Variants in NFXL1 observed in about 807,000 individuals in gnomAD.
NFXL1 encodes the protein NF-X1-type zinc finger protein NFXL1.
In NFXL1, 66 loss-of-function variants were observed where a neutral mutation model predicts 123.3. The observed-to-expected ratio is 0.54, with a 90% CI of 0.44 to 0.66. The LOEUF is 0.66. Among genes scored for constraint, NFXL1 ranks in the 30% least tolerant of loss-of-function variants. The pLI is 0.00. For synonymous variants in NFXL1, 346 were observed against 360.8 expected, an observed-to-expected ratio of 0.96 and a Z score of 0.46; for missense variants, 944 against 1,125.6, an observed-to-expected ratio of 0.84 and a Z score of 2.31.
intron 2 of NFXL1, among the ~76,000 whole-genome samples, chr4:47,912,515 A>G (rs1357830839): frequency 7.0e-6 from 1 of 143,112 alleles, no homozygotes; most frequent in Non-Finnish European, 1.5e-5. Flanking sequence ...GCTGGAGTGC[A>G]GTGGGGCAAT....
intron 18 of NFXL1, 82 bp from the exon 19 acceptor site, chr4:47,862,997 AC>A (rs1480277407): frequency 2.7e-6 from 2 of 737,014 alleles, no homozygotes; most frequent in African/African-American, 3.6e-5. Context: ...ATAATTTCAA[AC>A]ATATCCATAA....
chr4:47,867,037 T>C (rs1356178285), intron 18 of NFXL1, among the ~76,000 whole-genome samples: 1 of 152,174 alleles, frequency 6.6e-6, no homozygotes, highest in African/African-American at 2.4e-5. Context: ...ATGTGCCTTT[T>C]CCCTTTGCTG....
intron 5 of NFXL1, among the ~76,000 whole-genome samples, chr4:47,901,524 A>G (rs922186453): frequency 1.3e-5 from 2 of 152,198 alleles, no homozygotes; most frequent in Admixed American, 6.5e-5. Flanking sequence ...TTCCGTACCT[A>G]TTAGACACTA....
In NFXL1 at chr4:47,899,516, T is replaced by G. The variant is rs972295613; in HGVS notation, c.680A>C (p.Glu227Ala). ...PKCRFEYKRS[E>A]TPSRYYCYCG... ...ATAGCAATAGTACCTACTAGGTGTTTCAGATCGTTTGTATTCAAACCTACA... is the reference window on the plus strand; with the variant it reads ...ATAGCAATAGTACCTACTAGGTGTTGCAGATCGTTTGTATTCAAACCTACA... The change falls in exon 6 of 23, where the codon GAA (glutamate) becomes GCA (alanine). Residue 227 changes from glutamate to alanine, a missense_variant. By Grantham distance (107) the Glu-to-Ala change is moderately radical. Coordinates refer to ENST00000507489, the MANE Select transcript of NFXL1 (RefSeq NM_001278624.2). The G allele has an allele frequency of 8.7e-6, 14 of 1,612,676 alleles. No individual in the cohort carries two copies. Among genetic ancestry groups the G allele is most frequent in the African/African-American group, 1.3e-5 (1 of 74,904 alleles).
intron 6 of NFXL1, 54 bp downstream of exon 6, chr4:47,899,316 A>C (rs1248942347): frequency 2.7e-6 from 4 of 1,476,040 alleles, no homozygotes; most frequent in Non-Finnish European, 3.7e-6. Flanking sequence ...TTTTGCCTCA[A>C]TATAAGAAGA....
intron 18 of NFXL1, among the ~76,000 whole-genome samples, chr4:47,865,723 G>A (rs1342592360): frequency 6.6e-6 from 1 of 152,192 alleles, no homozygotes; most frequent in Non-Finnish European, 1.5e-5. Flanking sequence ...GGGTGCAGTG[G>A]CTCATGCCTC....
chr4:47,891,335 C>G (rs1017926978), intron 11 of NFXL1, among the ~76,000 whole-genome samples: 1 of 152,100 alleles, frequency 6.6e-6, no homozygotes, highest in African/African-American at 2.4e-5. Flanking sequence ...TGCTCTCAAA[C>G]TCCTGAGCTC....
At chr4:47,863,116 C>G (rs1734856264) in intron 18 of NFXL1, among the ~76,000 whole-genome samples, 1 of 152,160 alleles carries the variant, frequency 6.6e-6, no homozygotes, top group African/African-American at 2.4e-5. Flanking sequence ...CCCTTTACTA[C>G]TAACAAGTCA....
chr4:47,851,022 A>AATAT lies in NFXL1; in HGVS notation c.2562+69_2562+72dup, dbSNP rs1296987169. The AATAT allele has an allele frequency of 2.7e-6, 3 of 1,108,336 alleles. No individual in the cohort carries two copies. The East Asian group carries it at 7.1e-5, about 26-fold the overall frequency. The allele number at this position is 1,108,336 out of a possible 1,614,324, so 68.7% of individuals were successfully genotyped here. A position where few individuals can be genotyped will look rare whatever the true frequency, so the allele number is the denominator to read the frequency against. ...AGACTAGACCTTAGTTTGACCTTGG[A>AATAT]ATATACCCCGTGTTTGCACAAAATC... On this transcript the variant is annotated intron_variant, in intron 22 of 22. Transcript: ENST00000507489.
chr4:47,885,429 A>C (rs1736369728), intron 14 of NFXL1, 69 bp downstream of exon 14: 2 of 1,301,960 alleles, frequency 1.5e-6, no homozygotes. Context: ...CTCATTGAAA[A>C]ACTAAGTAAA....
At chr4:47,856,212 CTG>C (rs1432433106) in intron 19 of NFXL1, among the ~76,000 whole-genome samples, 2 of 152,034 alleles carry the variant, frequency 1.3e-5, no homozygotes, top group African/African-American at 2.4e-5. Flanking sequence ...CCTGACTTCT[CTG>C]TGTTTCACAT....
chr4:47,876,761 T>C lies in NFXL1; in HGVS notation c.2080-1468A>G, dbSNP rs1578010704. 3.3e-5 allele frequency among the ~76,000 whole-genome samples: 5 copies of C among 152,076 alleles called. No homozygotes were observed. The South Asian group carries it at 1.0e-3, about 31-fold the overall frequency. On this transcript the variant is annotated intron_variant, in intron 17 of 22. Transcript: ENST00000507489. The stretch of plus-strand genomic sequence containing the variant: ...CTGCAGAAATCTAAGTCAAAGGTAA[T>C]GGTGGCTTAGATGAGGGTGGTAGTG...
intron 20 of NFXL1, chr4:47,852,248 T>G (rs760636135): frequency 3.6e-6 from 1 of 277,568 alleles, no homozygotes. Flanking sequence ...TTGTTTGTTA[T>G]TCTTGCAAAG....
intron 3 of NFXL1, among the ~76,000 whole-genome samples, chr4:47,905,753 G>T (rs1737538578): frequency 1.3e-5 from 2 of 151,332 alleles, no homozygotes; most frequent in Admixed American, 6.6e-5. Context: ...GTGAGTGAGT[G>T]GGGGTGGGGG....
rs78383072 is a variant in NFXL1, at chr4:47,858,632, T to C, written c.2317-3469A>G. 1.4e-3 allele frequency among the ~76,000 whole-genome samples: 212 copies of C among 152,298 alleles called. 1 individual carries two copies. The highest frequency in any genetic ancestry group is 4.4e-3 in the African/African-American group (184 of 41,546). ...AGTGCATACTTTTAAACTTTTAACA[T>C]TGGCAAACAATATTGTTTGCAGATA... On this transcript the variant is annotated intron_variant, in intron 19 of 22. Transcript: ENST00000507489.
At chr4:47,859,252 T>A (rs1407240462) in intron 19 of NFXL1, among the ~76,000 whole-genome samples, 3 of 152,224 alleles carry the variant, frequency 2.0e-5, no homozygotes, top group Non-Finnish European at 4.4e-5. Context: ...CGTTCCACTT[T>A]AATTCCAATA....
chr4:47,893,716 A>C (rs932263317), intron 11 of NFXL1, among the ~76,000 whole-genome samples: 1 of 151,850 alleles, frequency 6.6e-6, no homozygotes, highest in Non-Finnish European at 1.5e-5. Flanking sequence ...AAAAAAAATG[A>C]AATGTGATGG....
In NFXL1 at chr4:47,885,918, T is replaced by A. The variant is rs775719936; in HGVS notation, c.1625A>T (p.Glu542Val). Residue 542 changes from glutamate (E) to valine (V), a missense_variant, in exon 13 of 23, where the codon GAA becomes GTA. Glu to Val is a moderately radical substitution (Grantham distance 121). Coordinates refer to ENST00000507489, the MANE Select transcript of NFXL1 (RefSeq NM_001278624.2). ...NTKVTVPCGR[E>V]RTTRPPKCKE... ...GCACTTGGGTGGTCTTGTGGTACGT[T>A]CTCGGCCACAGGGCACTGTCACCTT... 6.2e-7 allele frequency: 1 copy of A among 1,613,822 alleles called. No homozygotes were observed. Among genetic ancestry groups the A allele is most frequent in the Non-Finnish European group, 8.5e-7 (1 of 1,179,722 alleles).
chr4:47,905,197 T>C lies in NFXL1; in HGVS notation c.516+40A>G, dbSNP rs748014395. 8.6e-6 allele frequency: 7 copies of C among 809,756 alleles called. 1 individual carries two copies. In the South Asian group the frequency reaches 9.5e-5, roughly 11 times the overall value. 50.2% of individuals were successfully genotyped at this position (809,756 alleles called of 1,614,324 possible). A position where few individuals can be genotyped will look rare whatever the true frequency, so the allele number is the denominator to read the frequency against. On this transcript the variant is annotated intron_variant, in intron 4 of 22. Transcript: ENST00000507489. ...GTATTGTAAGGCAAACTAAGGTATT[T>C]TGGGGAGATACATTAATATAAATAA...
Sources: allele counts gnomAD v4.1 joint callset (sites outside exome capture counted in the v4.1 genomes callset), GRCh38; gene constraint gnomAD v4.1.1; transcripts MANE v1.5; gene names NCBI Gene and HGNC (gene_info 2026-07-23, HGNC 2026-07-21).